UGCG: variants seen among roughly 807,000 people sequenced by gnomAD.
UGCG encodes the protein ceramide glucosyltransferase.
Under a neutral mutation model 49.5 loss-of-function variants are expected in UGCG, and 10 were observed. The observed-to-expected ratio is 0.20, with a 90% CI of 0.12 to 0.34. The LOEUF is 0.34. Among genes scored for constraint, UGCG ranks in the 10% least tolerant of loss-of-function variants. UGCG has a pLI of 1.00. For missense variants in UGCG, 312 were observed against 483.7 expected, an observed-to-expected ratio of 0.65 and a Z score of 3.33; for synonymous variants, 182 against 158.2, an observed-to-expected ratio of 1.15 and a Z score of -1.13.
chr9:111,902,327 A>G (rs761233225), intron 1 of UGCG, among the ~76,000 whole-genome samples: 1 of 152,110 alleles, frequency 6.6e-6, no homozygotes, highest in Non-Finnish European at 1.5e-5. Flanking sequence ...ACTATTGGTT[A>G]TTTTACCTTC....
At chr9:111,912,273 T>C (rs1457051626) in intron 1 of UGCG, among the ~76,000 whole-genome samples, 1 of 151,876 alleles carries the variant, frequency 6.6e-6, no homozygotes, top group Non-Finnish European at 1.5e-5. Flanking sequence ...GCAAAGCAGT[T>C]GTTCTTTAAA....
rs1161825230 is a variant in UGCG, at chr9:111,935,210, A to G, written c.*2213A>G. ...GAGTGATGATAAAATGGTAAGAAAT[A>G]ATATAAATGTTGAAGAAAGCATCAC... is the stretch of plus-strand genomic sequence containing the variant. On this transcript the variant is annotated 3_prime_UTR_variant, in exon 9 of 9. Coordinates refer to ENST00000374279, the MANE Select transcript of UGCG (RefSeq NM_003358.3). 6.6e-6 allele frequency: 1 copy of G among 152,214 alleles called. No individual in the cohort carries two copies. Among genetic ancestry groups the G allele is most frequent in the Non-Finnish European group, 1.5e-5 (1 of 68,032 alleles). 9.4% of individuals were successfully genotyped at this position (152,214 alleles called of 1,614,324 possible).
intron 1 of UGCG, among the ~76,000 whole-genome samples, chr9:111,911,600 A>C (rs1249208373): frequency 6.6e-6 from 1 of 152,036 alleles, no homozygotes; most frequent in African/African-American, 2.4e-5. Context: ...CCATATCAGT[A>C]TATTACCAGT....
At chr9:111,921,420 G>A (rs1037855980) in intron 2 of UGCG, among the ~76,000 whole-genome samples, 1 of 152,044 alleles carries the variant, frequency 6.6e-6, no homozygotes, top group African/African-American at 2.4e-5. Context: ...GGGAGGCAGA[G>A]GCAAGCAGAT....
chr9:111,921,828 T>TTTTTTTTG (rs1838227949), intron 2 of UGCG, among the ~76,000 whole-genome samples: 2 of 134,296 alleles, frequency 1.5e-5, no homozygotes, highest in African/African-American at 2.9e-5. Flanking sequence ...TTTTTTTTTT[T>TTTTTTTTG]GAGGCAGGGT....
Position 111,929,527 on chromosome 9 carries a change from T to G in UGCG, c.586T>G (p.Tyr196Asp). Residue 196 changes from tyrosine to aspartate, a missense_variant, in exon 6 of 9, where the codon TAC becomes GAC. Physicochemically the swap from Tyr to Asp is radical, Grantham distance 160 (BLOSUM62 -3). Coordinates refer to ENST00000374279, the MANE Select transcript of UGCG (RefSeq NM_003358.3). ...ATATTTTGGAACTTCACATCCAAGA[T>G]ACTATATCTCTGCCAATGTAACTGG... The part of the protein sequence containing the change: ...QVYFGTSHPR[Y>D]YISANVTGFK... 6.2e-7 allele frequency: 1 copy of G among 1,613,720 alleles called. No individual in the cohort carries two copies. The highest frequency in any genetic ancestry group is 1.7e-5 in the Admixed American group (1 of 59,918).
chr9:111,925,221 A>G (rs961544583), intron 4 of UGCG, among the ~76,000 whole-genome samples: 1 of 152,162 alleles, frequency 6.6e-6, no homozygotes, highest in Non-Finnish European at 1.5e-5. Context: ...CGGCTTGCGT[A>G]ATACACCGTC....
At chr9:111,902,978 A>G (rs1837807295) in intron 1 of UGCG, among the ~76,000 whole-genome samples, 1 of 151,976 alleles carries the variant, frequency 6.6e-6, no homozygotes, top group Non-Finnish European at 1.5e-5. Flanking sequence ...GGGTTTCATG[A>G]TGTTGGCCAG....
At chr9:111,920,593 G>C (rs758986878) in intron 2 of UGCG, among the ~76,000 whole-genome samples, 26 of 152,114 alleles carry the variant, frequency 1.7e-4, no homozygotes, top group Non-Finnish European at 2.9e-4. Flanking sequence ...TCGAACTCCT[G>C]ACCTCAGGTG....
At chr9:111,918,656 G>A (rs916253883) in intron 2 of UGCG, among the ~76,000 whole-genome samples, 8 of 152,082 alleles carry the variant, frequency 5.3e-5, no homozygotes, top group African/African-American at 1.7e-4. Flanking sequence ...CTTCAAGGCC[G>A]GGGGCGGTGG....
At chr9:111,922,507 G>A (rs1354913121) in intron 2 of UGCG, among the ~76,000 whole-genome samples, 2 of 152,182 alleles carry the variant, frequency 1.3e-5, no homozygotes, top group Non-Finnish European at 2.9e-5. Flanking sequence ...CCTGTGAGCA[G>A]TTAGTAAATC....
chr9:111,897,468 G>T (rs912439463), intron 1 of UGCG, among the ~76,000 whole-genome samples, 155 bp downstream of exon 1: 4 of 152,162 alleles, frequency 2.6e-5, no homozygotes, highest in African/African-American at 9.6e-5. Context: ...TCGCCCCTCG[G>T]ACCGGCGGTG....
chr9:111,926,237 A>AT (rs1325285934), intron 4 of UGCG, 147 bp from the exon 5 acceptor site: 3 of 502,658 alleles, frequency 6.0e-6, no homozygotes, highest in Admixed American at 3.6e-5. Flanking sequence ...GGTGGTTGAG[A>AT]TTCATTTTAT....
intron 1 of UGCG, among the ~76,000 whole-genome samples, chr9:111,901,491 C>T (rs530185297): frequency 5.9e-5 from 9 of 152,098 alleles, no homozygotes; most frequent in African/African-American, 1.9e-4. Context: ...TGGGAAGATA[C>T]GGAATTAGAC....
At position 111,916,123 on chromosome 9, in the gene UGCG, GATATAA is replaced by G. The variant is rs528643949; in HGVS notation, c.240+1381_240+1386del. On this transcript the variant is annotated intron_variant, in intron 2 of 8. Coordinates refer to ENST00000374279, the MANE Select transcript of UGCG (RefSeq NM_003358.3). ...AACTTAGCCTTTTGTAATTGAGAAA[GATATAA>G]ATAAAATTAATTGTAAAATAAGCTT... Among the ~76,000 whole-genome samples the G allele has an allele frequency of 6.8e-3, 1,040 of 152,060 alleles. 13 individuals are homozygous for G. Among genetic ancestry groups the G allele is most frequent in the African/African-American group, 0.024 (1,002 of 41,490 alleles).
At chr9:111,910,655 T>G (rs1372581268) in intron 1 of UGCG, among the ~76,000 whole-genome samples, 2 of 152,162 alleles carry the variant, frequency 1.3e-5, no homozygotes, top group African/African-American at 4.8e-5. Context: ...TTCCTTCTCT[T>G]CTCTTGGGTT....
intron 1 of UGCG, among the ~76,000 whole-genome samples, chr9:111,908,866 C>T (rs1301551887): frequency 6.6e-6 from 1 of 152,190 alleles, no homozygotes; most frequent in African/African-American, 2.4e-5. Context: ...ACTTATAATA[C>T]TGCCCCACTT....
chr9:111,922,022 A>G (rs992574076), intron 2 of UGCG, among the ~76,000 whole-genome samples: 3 of 151,312 alleles, frequency 2.0e-5, no homozygotes, highest in African/African-American at 4.9e-5. Flanking sequence ...CTTTTTGCCC[A>G]GGCTCCTCTC....
intron 1 of UGCG, among the ~76,000 whole-genome samples, chr9:111,908,496 A>T (rs1231960232): frequency 1.3e-4 from 20 of 152,262 alleles, no homozygotes; most frequent in Non-Finnish European, 1.0e-4. Flanking sequence ...GGTACTGGTT[A>T]CATGAGAGTT....
Sources: allele counts gnomAD v4.1 joint callset (sites outside exome capture counted in the v4.1 genomes callset), GRCh38; gene constraint gnomAD v4.1.1; transcripts MANE v1.5; gene names NCBI Gene and HGNC (gene_info 2026-07-23, HGNC 2026-07-21).